Variants in CSNK1D observed in about 807,000 individuals in gnomAD.
CSNK1D encodes casein kinase I isoform delta.
A neutral mutation model predicts 46.6 loss-of-function variants in CSNK1D; 16 were observed. The observed-to-expected ratio is 0.34, with a 90% CI of 0.23 to 0.52. The LOEUF (loss-of-function observed/expected upper bound fraction) is 0.52, where lower values mean the gene tolerates loss of function less well. CSNK1D is among the 20% of genes least tolerant of loss of function. The pLI is 0.95. For missense variants in CSNK1D, 398 were observed against 578.4 expected (o/e 0.69, Z 3.20); for synonymous variants, 276 against 228.2 (o/e 1.21, Z -1.89).
In CSNK1D at chr17:82,251,205, T is replaced by C; in HGVS notation, c.885+174A>G. The C allele has an allele frequency of 5.6e-6, 4 of 720,190 alleles. No homozygotes were observed. The highest frequency in any genetic ancestry group is 9.3e-6 in the Non-Finnish European group (4 of 428,502). The allele number at this position is 720,190 out of a possible 1,614,324, so 44.6% of individuals were successfully genotyped here. ...TGGCGTCTTACTTCTTGGCACCCCTTTCTGGCAGGCAGACACCCACTCAGT... is the reference window on the plus strand; with the variant it reads ...TGGCGTCTTACTTCTTGGCACCCCTCTCTGGCAGGCAGACACCCACTCAGT... On this transcript the variant is annotated intron_variant, in intron 6 of 8. Coordinates refer to ENST00000314028, the MANE Select transcript of CSNK1D (RefSeq NM_001893.6). The surrounding 1 kb of genome is among the most constrained non-coding windows in gnomAD (Gnocchi z 4.5).
rs575063287 is a variant in CSNK1D, at chr17:82,243,834, C to G, written c.*947G>C. The G allele has an allele frequency of 2.0e-6, 2 of 985,446 alleles. No homozygotes were observed. Among genetic ancestry groups the G allele is most frequent in the African/African-American group, 3.5e-5 (2 of 57,234 alleles). 61.0% of individuals were successfully genotyped at this position (985,446 alleles called of 1,614,324 possible). On this transcript the variant is annotated 3_prime_UTR_variant, in exon 9 of 9. Coordinates refer to ENST00000314028, the MANE Select transcript of CSNK1D (RefSeq NM_001893.6). ...AACAAACACTACAGTAACCACCTCT[C>G]GGTTCACAGTCCTCTCCCAAGGGAC...
In CSNK1D at chr17:82,246,366, A is replaced by AG. The variant is rs2050849849; in HGVS notation, c.1198-1536dup. ...CTGGGCAGCCCCACAACTGGGTCTCAGGGCACAGCCTGAAGGCAGGGGAGA... is the reference window on the plus strand; with the variant it reads ...CTGGGCAGCCCCACAACTGGGTCTCAGGGGCACAGCCTGAAGGCAGGGGAGA... On this transcript the variant is annotated intron_variant, in intron 8 of 8. Coordinates refer to ENST00000314028, the MANE Select transcript of CSNK1D (RefSeq NM_001893.6). The AG allele has an allele frequency of 2.3e-6, 3 of 1,278,862 alleles. No homozygotes were observed. The South Asian group carries it at 4.6e-5, about 20-fold the overall frequency. The allele number at this position is 1,278,862 out of a possible 1,614,324, so 79.2% of individuals were successfully genotyped here.
At chr17:82,246,420 G>A (rs1261302653) in intron 8 of CSNK1D, 2 of 1,205,282 alleles carry the variant, frequency 1.7e-6, no homozygotes, top group Non-Finnish European at 2.1e-6. Context: ...CGACGACAGG[G>A]CTCAGGCCTA....
At chr17:82,258,399 T>A (rs2051239792) in intron 2 of CSNK1D, among the ~76,000 whole-genome samples, 1 of 151,932 alleles carries the variant, frequency 6.6e-6, no homozygotes, top group Non-Finnish European at 1.5e-5. Context: ...ATAGTTGCAT[T>A]CTGCGTCACA....
chr17:82,246,076 C>T (rs201239179), intron 8 of CSNK1D: 16 of 1,589,300 alleles, frequency 1.0e-5, no homozygotes, highest in East Asian at 9.3e-5. Context: ...GTAAGCGTCC[C>T]GCTGGCCCCC....
chr17:82,263,463 C>T (rs1221758164), intron 2 of CSNK1D, among the ~76,000 whole-genome samples: 1 of 152,250 alleles, frequency 6.6e-6, no homozygotes, highest in Non-Finnish European at 1.5e-5. Flanking sequence ...CAGGGGCCTT[C>T]AGCACTGTCT....
chr17:82,264,452 G>T lies in CSNK1D; in HGVS notation c.187+1234C>A, dbSNP rs141048103. Among the ~76,000 whole-genome samples the T allele has an allele frequency of 3.9e-3, 592 of 152,312 alleles. 2 individuals carry two copies. Among genetic ancestry groups the T allele is most frequent in the South Asian group, 0.028 (134 of 4,822 alleles). Reference sequence around the variant, plus strand: ...AACTCGCAAGAGCTGGACTCTGAGGGGAGGACAGGAGCGCTCTGCTCCACA... The same window carrying T: ...AACTCGCAAGAGCTGGACTCTGAGGTGAGGACAGGAGCGCTCTGCTCCACA... On this transcript the variant is annotated intron_variant, in intron 2 of 8. Transcript: ENST00000314028.
chr17:82,252,484 C>T lies in CSNK1D; in HGVS notation c.686G>A (p.Ser229Asn). Residue 229 changes from serine to asparagine, a missense_variant, in exon 5 of 9, where the codon AGC becomes AAC. Coordinates refer to ENST00000314028, the MANE Select transcript of CSNK1D (RefSeq NM_001893.6). This position sits in a 1 kb window ranked among gnomAD's most constrained non-coding sequence, Gnocchi z 4.6. ...ATKRQKYERI[S>N]EKKMSTPIEV... is the part of the protein sequence containing the mutation. ...GATGGGGGTGGACATTTTCTTCTCG[C>T]TAATCCTTTCGTATTTCTGTCTCTT... 1 of 1,614,154 alleles carries T rather than the reference C, an allele frequency of 6.2e-7. No homozygotes were observed. Among genetic ancestry groups the T allele is most frequent in the Non-Finnish European group, 8.5e-7 (1 of 1,180,024 alleles).
intron 1 of CSNK1D, chr17:82,266,961 G>A (rs555637850): frequency 3.0e-4 from 46 of 151,670 alleles, no homozygotes; most frequent in African/African-American, 1.1e-3. Flanking sequence ...TTGGGAGCCT[G>A]AGGCAGGAGA....
intron 2 of CSNK1D, among the ~76,000 whole-genome samples, chr17:82,257,373 T>C (rs1050730843): frequency 9.2e-5 from 14 of 152,172 alleles, no homozygotes; most frequent in African/African-American, 3.4e-4. Flanking sequence ...GCTTTATGAG[T>C]GCTTTCAGTA....
chr17:82,239,227 G>A, downstream of CSNK1D: 1 of 292,396 alleles, frequency 3.4e-6, no homozygotes, highest in Non-Finnish European at 6.3e-6. Context: ...CCCGCCTGCT[G>A]CTCCCAGGTG....
chr17:82,253,628 A>G (rs1002071896), intron 3 of CSNK1D: 1 of 357,522 alleles, frequency 2.8e-6, no homozygotes, highest in Non-Finnish European at 5.5e-6. Flanking sequence ...TGAGAGACTG[A>G]GGAACCCACT....
At position 82,242,821 on chromosome 17, in the gene CSNK1D, T is replaced by C; in HGVS notation, c.*1960A>G. On this transcript the variant is annotated 3_prime_UTR_variant, in exon 9 of 9. Coordinates refer to ENST00000314028, the MANE Select transcript of CSNK1D (RefSeq NM_001893.6). The stretch of plus-strand genomic sequence containing the variant: ...CCTGCACGGGGCGACGGGGACTAGA[T>C]ACTGGGCAAGGACTGTCACAAGCAC... 3.0e-6 allele frequency: 3 copies of C among 985,420 alleles called. No homozygotes were observed. The highest frequency in any genetic ancestry group is 4.7e-5 in the South Asian group (1 of 21,296). The allele number at this position is 985,420 out of a possible 1,614,324, so 61.0% of individuals were successfully genotyped here.
Position 82,252,325 on chromosome 17 carries a change from A to C in CSNK1D, c.736+109T>G. The C allele has an allele frequency of 7.8e-7, 1 of 1,286,418 alleles. No individual in the cohort carries two copies. Among genetic ancestry groups the C allele is most frequent in the Non-Finnish European group, 1.1e-6 (1 of 884,320 alleles). The allele number at this position is 1,286,418 out of a possible 1,614,324, so 79.7% of individuals were successfully genotyped here. A position where few individuals can be genotyped will look rare whatever the true frequency, so the allele number is the denominator to read the frequency against. On this transcript the variant is annotated intron_variant, in intron 5 of 8. Transcript: ENST00000314028. This position sits in a 1 kb window ranked among gnomAD's most constrained non-coding sequence, Gnocchi z 4.6. ...CGCTTTCCTGCCACCACCCCTTTGG[A>C]AGGTGAGCAACTCTTCTGACAAAAC... is the stretch of plus-strand genomic sequence containing the variant.
chr17:82,253,440 A>C (rs1599591420), intron 3 of CSNK1D, 196 bp from the exon 4 acceptor site: 1 of 615,050 alleles, frequency 1.6e-6, no homozygotes, highest in East Asian at 3.1e-5. Context: ...TCCACACTCC[A>C]CCCTCCACAG....
In CSNK1D at chr17:82,249,810, C is replaced by A. The variant is rs1020958425; in HGVS notation, c.886-208G>T. ...GGTCAGAGCCAGGCCTCTCAGCTCC[C>A]CCAACAATCGAAAAAACCCCACTCG... is the stretch of plus-strand genomic sequence containing the variant. On this transcript the variant is annotated intron_variant, in intron 6 of 8. Coordinates refer to ENST00000314028, the MANE Select transcript of CSNK1D (RefSeq NM_001893.6). This position sits in a 1 kb window ranked among gnomAD's most constrained non-coding sequence, Gnocchi z 6.7. 41 of 1,435,364 alleles carry A rather than the reference C, an allele frequency of 2.9e-5. No individual in the cohort carries two copies. In the Admixed American group the frequency reaches 6.5e-4, roughly 23 times the overall value. 88.9% of individuals were successfully genotyped at this position (1,435,364 alleles called of 1,614,324 possible). A position where few individuals can be genotyped will look rare whatever the true frequency, so the allele number is the denominator to read the frequency against.
chr17:82,246,256 T>C, intron 8 of CSNK1D: 1 of 1,460,272 alleles, frequency 6.8e-7, no homozygotes, highest in South Asian at 1.3e-5. Context: ...AATCACTTGC[T>C]CTTAAGGCCA....
intron 2 of CSNK1D, among the ~76,000 whole-genome samples, chr17:82,261,638 C>T (rs2051342419): frequency 6.6e-6 from 1 of 152,144 alleles, no homozygotes; most frequent in Admixed American, 6.5e-5. Context: ...GCAACAAAAA[C>T]TTACAAACAG....
chr17:82,254,905 C>T (rs1480605886), intron 3 of CSNK1D, among the ~76,000 whole-genome samples: 2 of 125,230 alleles, frequency 1.6e-5, no homozygotes, highest in Admixed American at 8.1e-5. Flanking sequence ...GCTGAGCCGC[C>T]GGGGCCTCCA....
Sources: gnomAD v4.1 joint callset for allele counts (sites outside exome capture counted in the v4.1 genomes callset) on GRCh38, gnomAD v4.1.1 for gene constraint, Gnocchi (gnomAD v3.1) non-coding constraint, MANE v1.5 for transcripts, NCBI Gene and HGNC (gene_info 2026-07-23, HGNC 2026-07-21) for gene names.